The following PTCD3 variants were observed in gnomAD, a reference collection of about 807,000 sequenced individuals.
PTCD3 encodes small ribosomal subunit protein mS39.
In PTCD3, 89 loss-of-function variants were observed where a neutral mutation model predicts 101.9. That is an observed-to-expected ratio of 0.87 (90% CI 0.74 to 1.04). The LOEUF (loss-of-function observed/expected upper bound fraction) is 1.04. Among genes scored for constraint, PTCD3 ranks in the 50% least tolerant of loss-of-function variants. The pLI is 0.00. For missense variants in PTCD3, 870 were observed against 828.2 expected, an observed-to-expected ratio of 1.05 and a Z score of -0.62; for synonymous variants, 296 against 278.5, an observed-to-expected ratio of 1.06 and a Z score of -0.63.
chr2:86,133,565 A>C, intron 19 of PTCD3, 129 bp downstream of exon 19: 2 of 935,988 alleles, frequency 2.1e-6, no homozygotes, highest in Non-Finnish European at 3.2e-6. Context: ...GTTAGTTGAG[A>C]TGTACTTCAA....
intron 10 of PTCD3, 74 bp from the exon 11 acceptor site, chr2:86,125,381 A>T: frequency 2.0e-6 from 3 of 1,475,706 alleles, no homozygotes; most frequent in Non-Finnish European, 2.8e-6. Flanking sequence ...CTATATTACC[A>T]AACTCTAGGA....
intron 12 of PTCD3, among the ~76,000 whole-genome samples, chr2:86,126,502 A>AGTTG (rs1674392449): frequency 6.6e-6 from 1 of 152,156 alleles, no homozygotes; most frequent in Admixed American, 6.6e-5. Context: ...GTGTAATTTC[A>AGTTG]AAAAGTTGAA....
rs965798121 is a variant in PTCD3, at chr2:86,135,037, C to A, written c.1778+50C>A. On this transcript the variant is annotated intron_variant, in intron 21 of 23. Transcript: ENST00000254630. The stretch of plus-strand genomic sequence containing the variant: ...ACTTTAGAAGCTTTTGTATTTGAAT[C>A]TAAAACATTGGCCCACGCTGGTAGA... 1.0e-5 allele frequency: 16 copies of A among 1,548,672 alleles called. No individual in the cohort carries two copies. The East Asian group carries it at 3.4e-4, about 33-fold the overall frequency.
chr2:86,107,052 A>G, intron 1 of PTCD3: 1 of 456,754 alleles, frequency 2.2e-6, no homozygotes, highest in Non-Finnish European at 4.6e-6. Context: ...TAACCATCCG[A>G]AAAGTTTGTG....
chr2:86,114,444 C>A (rs565760970), intron 4 of PTCD3, among the ~76,000 whole-genome samples: 1 of 152,284 alleles, frequency 6.6e-6, no homozygotes, highest in Non-Finnish European at 1.5e-5. Flanking sequence ...CCCCCACCCC[C>A]ACGCCCGGCT....
Position 86,125,828 on chromosome 2 carries a change from C to T in PTCD3, c.899C>T (p.Ala300Val). The change falls in exon 12 of 24, where the codon GCA becomes GTA. Residue 300 changes from alanine to valine, a missense_variant. By Grantham distance (64) the Ala-to-Val change is moderately conservative. Transcript: ENST00000254630. Reference sequence around the variant, plus strand: ...TACACATTTAATGCATTGATTGAAGCAACAGTATGTGCGATAAATGAGAAA... The same window carrying T: ...TACACATTTAATGCATTGATTGAAGTAACAGTATGTGCGATAAATGAGAAA... Reference protein sequence around the residue: ...DVYTFNALIEATVCAINEKFE... With the variant: ...DVYTFNALIEVTVCAINEKFE... The T allele has an allele frequency of 6.2e-7, 1 of 1,609,314 alleles. No homozygotes were observed. The highest frequency in any genetic ancestry group is 8.5e-7 in the Non-Finnish European group (1 of 1,175,856).
At chr2:86,135,920 G>A in intron 21 of PTCD3, 1 of 519,132 alleles carries the variant, frequency 1.9e-6, no homozygotes, top group South Asian at 1.4e-5. Flanking sequence ...AGTCATGGGA[G>A]CTGAATGTAT....
Position 86,106,352 on chromosome 2 carries a change from G to T in PTCD3, c.104+1G>T. The T allele has an allele frequency of 6.2e-7, 1 of 1,613,778 alleles. No homozygotes were observed. The highest frequency in any genetic ancestry group is 1.1e-5 in the South Asian group (1 of 91,002). On this transcript the variant is annotated splice_donor_variant, in intron 1 of 23. Transcript: ENST00000254630. LOFTEE classifies it high-confidence loss of function. ...TGTGTGAACAGGCACGCAGCTGCAG[G>T]TAAGAGACGCTTAGGGTATCCGCGA...
intron 14 of PTCD3, among the ~76,000 whole-genome samples, chr2:86,130,255 G>A (rs1171849159): frequency 3.9e-5 from 6 of 152,064 alleles, no homozygotes; most frequent in African/African-American, 1.4e-4. Context: ...AGCCGAGATT[G>A]TGCCATCGCA....
chr2:86,121,901 G>A lies in PTCD3; in HGVS notation c.654+307G>A, dbSNP rs1290340038. Among the ~76,000 whole-genome samples the A allele has an allele frequency of 3.9e-5, 6 of 152,206 alleles. No homozygotes were observed. The East Asian group carries it at 1.2e-3, about 29-fold the overall frequency. On this transcript the variant is annotated intron_variant, in intron 8 of 23. Transcript: ENST00000254630. ...GTAATGACATGATGTATTCTGGCCAGGGAAAGACTCCGTGGCCTGGGCCCC... is the reference window on the plus strand; with the variant it reads ...GTAATGACATGATGTATTCTGGCCAAGGAAAGACTCCGTGGCCTGGGCCCC...
intron 13 of PTCD3, chr2:86,127,581 T>C (rs1019592): frequency 0.8 from 373,107 of 466,136 alleles, 152,063 homozygotes; most frequent in South Asian, 0.85. Context: ...ATTCATGACA[T>C]TTTCCCAACA....
intron 13 of PTCD3, 37 bp downstream of exon 13, chr2:86,127,342 CTG>C: frequency 1.9e-6 from 3 of 1,588,506 alleles, no homozygotes; most frequent in Non-Finnish European, 2.6e-6. Flanking sequence ...AGGACAGAGA[CTG>C]TGCCAGCCAG....
intron 1 of PTCD3, 47 bp from the exon 2 acceptor site, chr2:86,108,303 G>A (rs1286047371): frequency 2.5e-6 from 4 of 1,580,896 alleles, no homozygotes; most frequent in Non-Finnish European, 3.4e-6. Flanking sequence ...GGTGAGCTGG[G>A]TACTTCATTA....
Position 86,139,139 on chromosome 2 carries a change from C to T in PTCD3, c.*1580C>T, listed in dbSNP as rs1674642746. Reference sequence around the variant, plus strand: ...TGAACATAGAGAAAAATTAAGGCCTCACAGGATGAGTCTCCATTCTCTGTA... The same window carrying T: ...TGAACATAGAGAAAAATTAAGGCCTTACAGGATGAGTCTCCATTCTCTGTA... On this transcript the variant is annotated 3_prime_UTR_variant, in exon 24 of 24. Coordinates refer to ENST00000254630, the MANE Select transcript of PTCD3 (RefSeq NM_017952.6). 1 of 152,190 alleles carries T rather than the reference C, an allele frequency of 6.6e-6. No homozygotes were observed. The allele number at this position is 152,190 out of a possible 1,614,324, so 9.4% of individuals were successfully genotyped here. A position where few individuals can be genotyped will look rare whatever the true frequency, so the allele number is the denominator to read the frequency against.
chr2:86,109,731 A>G (rs1674039903), intron 3 of PTCD3, among the ~76,000 whole-genome samples: 2 of 152,228 alleles, frequency 1.3e-5, no homozygotes, highest in Non-Finnish European at 2.9e-5. Flanking sequence ...GTTCTTTATT[A>G]CTTGGGAATA....
At chr2:86,136,681 A>T in intron 22 of PTCD3, 119 bp downstream of exon 22, 1 of 1,189,860 alleles carries the variant, frequency 8.4e-7, no homozygotes, top group Non-Finnish European at 1.2e-6. Context: ...GCATACCGTC[A>T]ACTCCCTACT....
rs768356879 is a variant in PTCD3 at position 86,132,412 on chromosome 2, G to A, written c.1361G>A (p.Arg454His). The A allele has an allele frequency of 3.2e-5, 51 of 1,586,638 alleles. No homozygotes were observed. The highest frequency in any genetic ancestry group is 4.0e-5 in the African/African-American group (3 of 74,266). The part of the protein sequence containing the change: ...NWKFIGPDQH[R>H]NFYYSKFFDL... ...AAATTCATTGGACCTGATCAACATC[G>A]TAATTTCTATTAGTAAGTGTGTTGG... Residue 454 changes from arginine (R) to histidine (H), a missense_variant, in exon 17 of 24, where the codon CGT becomes CAT. Transcript: ENST00000254630.
rs1157780737 is a variant in PTCD3 at position 86,131,570 on chromosome 2, A to G, written c.1266+464A>G. 4.6e-5 allele frequency among the ~76,000 whole-genome samples: 7 copies of G among 152,206 alleles called. No individual in the cohort carries two copies. In the South Asian group the frequency reaches 1.0e-3, roughly 22 times the overall value. On this transcript the variant is annotated intron_variant, in intron 16 of 23. Coordinates refer to ENST00000254630, the MANE Select transcript of PTCD3 (RefSeq NM_017952.6). ...TCCCTACCCTTTGTTTATTGTTTAC[A>G]TTGACATTTTTCATGCCCCTGAACA... is the stretch of plus-strand genomic sequence containing the variant.
Position 86,125,671 on chromosome 2 carries a change from A to C in PTCD3, c.866-124A>C, listed in dbSNP as rs182262619. The stretch of plus-strand genomic sequence containing the variant: ...AGAGTAGAGATCCAGAGAGGAGAGT[A>C]GTTTTCCAGTTTTGTGGACATGTGA... On this transcript the variant is annotated intron_variant, in intron 11 of 23. Transcript: ENST00000254630. 1.2e-5 allele frequency: 12 copies of C among 1,028,818 alleles called. No homozygotes were observed. In the East Asian group the frequency reaches 3.0e-4, roughly 26 times the overall value. The allele number at this position is 1,028,818 out of a possible 1,614,324, so 63.7% of individuals were successfully genotyped here.
Sources: allele counts gnomAD v4.1 joint callset (sites outside exome capture counted in the v4.1 genomes callset), GRCh38; gene constraint gnomAD v4.1.1; transcripts MANE v1.5; gene names NCBI Gene and HGNC (gene_info 2026-07-23, HGNC 2026-07-21).